Variants in SLC25A13 observed in about 807,000 individuals in gnomAD.
The protein encoded by SLC25A13 is solute carrier family 25 member 13.
Under a neutral mutation model 85.5 loss-of-function variants are expected in SLC25A13, and 70 were observed. The observed-to-expected ratio is 0.82, with a 90% CI of 0.68 to 1.00. SLC25A13 has a LOEUF of 1.00. Among genes scored for constraint, SLC25A13 ranks in the 50% least tolerant of loss-of-function variants. The pLI, the probability that SLC25A13 is intolerant of heterozygous loss-of-function variation, is 0.00. For missense variants in SLC25A13, 765 were observed against 819.8 expected (o/e 0.93, Z 0.82); for synonymous variants, 259 against 288.7 (o/e 0.90, Z 1.04).
chr7:96,267,800 C>CAA lies in SLC25A13; in HGVS notation c.212+9394_212+9395dup, dbSNP rs551752880. Among the ~76,000 whole-genome samples, 732 of 122,318 alleles carry CAA rather than the reference C, an allele frequency of 6.0e-3. 2 individuals are homozygous for CAA. Among genetic ancestry groups the CAA allele is most frequent in the Admixed American group, 8.3e-3 (102 of 12,274 alleles). The allele number at this position is 122,318 out of a possible 152,430, so 80.2% of individuals were successfully genotyped here. ...TGTGCTCCAGCCTGAGACTCTGTCT[C>CAA]AAAAAAAAAAAAAAAAATTAAGGGT... On this transcript the variant is annotated intron_variant, in intron 3 of 17. Coordinates refer to ENST00000265631, the MANE Select transcript of SLC25A13 (RefSeq NM_014251.3).
rs755443253 is a variant in SLC25A13, at chr7:96,211,852, G to A, written c.329-2875C>T. Among the ~76,000 whole-genome samples the A allele has an allele frequency of 4.6e-5, 7 of 152,158 alleles. No individual in the cohort carries two copies. The East Asian group carries it at 1.2e-3, about 25-fold the overall frequency. ...ATCGTTTATCAAAATCCCCAGGCCC[G>A]GTCCTAAACTGATTTAAACATGTTG... On this transcript the variant is annotated intron_variant, in intron 4 of 17. Transcript: ENST00000265631.
chr7:96,257,702 C>G (rs965528876), intron 3 of SLC25A13, among the ~76,000 whole-genome samples: 1 of 152,148 alleles, frequency 6.6e-6, no homozygotes, highest in Non-Finnish European at 1.5e-5. Context: ...GGACTCCTCC[C>G]TAACTCATTT....
At chr7:96,286,270 G>C (rs536325673) in intron 2 of SLC25A13, among the ~76,000 whole-genome samples, 1 of 131,850 alleles carries the variant, frequency 7.6e-6, no homozygotes, top group African/African-American at 2.9e-5. Flanking sequence ...GGGTGACAGA[G>C]TAAGACTCCA....
chr7:96,223,118 T>G (rs1187842243), intron 4 of SLC25A13, among the ~76,000 whole-genome samples: 3 of 152,072 alleles, frequency 2.0e-5, no homozygotes, highest in African/African-American at 7.2e-5. Flanking sequence ...AGACGAAATA[T>G]TACAAACAAC....
chr7:96,137,989 T>C (rs557284523), intron 14 of SLC25A13, among the ~76,000 whole-genome samples: 4 of 152,336 alleles, frequency 2.6e-5, no homozygotes, highest in South Asian at 2.1e-4. Context: ...CATTTACCAC[T>C]TTTTTTGCTA....
chr7:96,271,336 T>C (rs1798231070), intron 3 of SLC25A13, among the ~76,000 whole-genome samples: 1 of 152,200 alleles, frequency 6.6e-6, no homozygotes, highest in African/African-American at 2.4e-5. Flanking sequence ...ATATGTACAA[T>C]TACTACACGC....
In SLC25A13 at chr7:96,256,745, C is replaced by T. The variant is rs1422706955; in HGVS notation, c.212+20451G>A. 2.0e-5 allele frequency among the ~76,000 whole-genome samples: 3 copies of T among 152,142 alleles called. No individual in the cohort carries two copies. The East Asian group carries it at 5.8e-4, about 29-fold the overall frequency. On this transcript the variant is annotated intron_variant, in intron 3 of 17. Transcript: ENST00000265631. ...TAATAGACAGCTATAGAACTCTCCA[C>T]CCCAAATCAAAAGAATATACCTTCT...
At chr7:96,315,236 A>G (rs573730772) in intron 1 of SLC25A13, among the ~76,000 whole-genome samples, 1 of 152,326 alleles carries the variant, frequency 6.6e-6, no homozygotes, top group East Asian at 1.9e-4. Flanking sequence ...AGGGACTTTA[A>G]CTTAATCTCA....
intron 13 of SLC25A13, among the ~76,000 whole-genome samples, chr7:96,163,590 C>G (rs1793608090): frequency 6.6e-6 from 1 of 152,182 alleles, no homozygotes. Context: ...TTCTCCTCCT[C>G]AATGATGGAG....
rs1270042668 is a variant in SLC25A13, at chr7:96,245,620, T to A, written c.213-10703A>T. On this transcript the variant is annotated intron_variant, in intron 3 of 17. Coordinates refer to ENST00000265631, the MANE Select transcript of SLC25A13 (RefSeq NM_014251.3). ...CAACACTGAGAGCAGAATTTAATAA[T>A]GTGCATGACAAATAGTCTGCATTTT... Among the ~76,000 whole-genome samples the A allele has an allele frequency of 2.0e-5, 3 of 152,238 alleles. No homozygotes were observed. In the East Asian group the frequency reaches 5.8e-4, roughly 29 times the overall value.
intron 2 of SLC25A13, among the ~76,000 whole-genome samples, chr7:96,295,918 T>G (rs530292318): frequency 6.6e-6 from 1 of 151,734 alleles, no homozygotes. Flanking sequence ...GTGTGTATAT[T>G]ATCTTACAAA....
At chr7:96,215,540 G>A (rs1316048642) in intron 4 of SLC25A13, among the ~76,000 whole-genome samples, 1 of 151,882 alleles carries the variant, frequency 6.6e-6, no homozygotes, top group African/African-American at 2.4e-5. Context: ...TCCAACAAAG[G>A]TAACAGACAA....
At chr7:96,179,322 T>C (rs577998106) in intron 11 of SLC25A13, among the ~76,000 whole-genome samples, 1 of 152,362 alleles carries the variant, frequency 6.6e-6, no homozygotes, top group African/African-American at 2.4e-5. Flanking sequence ...AGTAGCTGGT[T>C]ATAAATTATC....
intron 5 of SLC25A13, among the ~76,000 whole-genome samples, chr7:96,199,495 GGTGCT>G (rs1357281753): frequency 2.0e-5 from 3 of 152,118 alleles, no homozygotes; most frequent in African/African-American, 4.8e-5. Context: ...CCAGGCAATG[GGTGCT>G]TACTAAATGC....
intron 1 of SLC25A13, among the ~76,000 whole-genome samples, chr7:96,320,639 CTG>C (rs1800305820): frequency 6.6e-6 from 1 of 152,144 alleles, no homozygotes; most frequent in Non-Finnish European, 1.5e-5. Flanking sequence ...ACACGCACAC[CTG>C]TGTGTTCATA....
chr7:96,228,594 G>A (rs866472144), intron 4 of SLC25A13, among the ~76,000 whole-genome samples: 1 of 152,184 alleles, frequency 6.6e-6, no homozygotes, highest in Non-Finnish European at 1.5e-5. Context: ...CCTCGGCCTC[G>A]GCGCCCACTC....
At chr7:96,186,345 C>T (rs1299488153) in intron 9 of SLC25A13, among the ~76,000 whole-genome samples, 2 of 152,164 alleles carry the variant, frequency 1.3e-5, no homozygotes, top group East Asian at 3.9e-4. Context: ...AGGAGAATCA[C>T]TTGAACCTGG....
chr7:96,169,960 G>T, intron 13 of SLC25A13, 85 bp downstream of exon 13: 2 of 1,345,296 alleles, frequency 1.5e-6, no homozygotes, highest in Non-Finnish European at 1.1e-6. Flanking sequence ...TTAAACAGAA[G>T]CCTTAGTCCA....
intron 2 of SLC25A13, among the ~76,000 whole-genome samples, chr7:96,292,132 A>T (rs1264499313): frequency 6.6e-6 from 1 of 152,208 alleles, no homozygotes; most frequent in Non-Finnish European, 1.5e-5. Flanking sequence ...AACATACGCA[A>T]ATCAATAAAA....
Sources: gnomAD v4.1 joint callset for allele counts (sites outside exome capture counted in the v4.1 genomes callset) on GRCh38, gnomAD v4.1.1 for gene constraint, MANE v1.5 for transcripts, NCBI Gene and HGNC (gene_info 2026-07-23, HGNC 2026-07-21) for gene names.